Variants in SPATC1L observed in about 807,000 individuals in gnomAD.
SPATC1L encodes the protein spermatogenesis and centriole associated 1 like.
SPATC1L carries 20 observed loss-of-function variants against 21.2 expected under a neutral mutation model. That is an observed-to-expected ratio of 0.94 (90% CI 0.66 to 1.37). The LOEUF is 1.37. SPATC1L is among the 40% of genes most tolerant of loss of function. The probability of loss-of-function intolerance (pLI) is 0.00; values close to 1 mark genes in which losing one functional copy is unlikely to be tolerated. For missense variants in SPATC1L, 499 were observed against 478.7 expected, an observed-to-expected ratio of 1.04 and a Z score of -0.40; for synonymous variants, 290 against 234.5, an observed-to-expected ratio of 1.24 and a Z score of -2.16.
chr21:46,166,632 T>C (rs1028213509), intron 3 of SPATC1L, among the ~76,000 whole-genome samples: 13 of 152,148 alleles, frequency 8.5e-5, no homozygotes, highest in African/African-American at 3.1e-4. Context: ...GTAGCAGCCA[T>C]AGTTATATCA....
At chr21:46,177,723 T>C (rs565521741) in intron 2 of SPATC1L, among the ~76,000 whole-genome samples, 2 of 152,220 alleles carry the variant, frequency 1.3e-5, no homozygotes, top group South Asian at 4.1e-4. Context: ...AAAACAGAAA[T>C]ACCATTCAAC....
chr21:46,168,683 G>C, intron 2 of SPATC1L, 25 bp from the exon 3 acceptor site: 1 of 1,341,220 alleles, frequency 7.5e-7, no homozygotes, highest in Non-Finnish European at 9.7e-7. Flanking sequence ...AAAGGGATGA[G>C]AAATCAGGCT....
At position 46,161,272 on chromosome 21, in the gene SPATC1L, GC is replaced by G. The variant is rs895291899; in HGVS notation, c.*106del. 5.3e-6 allele frequency: 6 copies of G among 1,124,620 alleles called. No homozygotes were observed. Among genetic ancestry groups the G allele is most frequent in the Non-Finnish European group, 7.2e-6 (6 of 837,372 alleles). 69.7% of individuals were successfully genotyped at this position (1,124,620 alleles called of 1,614,324 possible). On this transcript the variant is annotated 3_prime_UTR_variant, in exon 5 of 5. Coordinates refer to ENST00000291672, the MANE Select transcript of SPATC1L (RefSeq NM_001142854.2). ...AGCGGGGCCTTCTCTGGCCTCGCGC[GC>G]GGGGGACGCGGCCCTTTCCCCTCCG...
chr21:46,170,065 G>A (rs79261541), intron 2 of SPATC1L, among the ~76,000 whole-genome samples: 12 of 92,178 alleles, frequency 1.3e-4, no homozygotes, highest in Admixed American at 5.1e-4. Flanking sequence ...TGCTCTGTGA[G>A]CATCCTCTGT....
chr21:46,162,154 T>G, intron 3 of SPATC1L, 87 bp from the exon 4 acceptor site: 12 of 1,363,972 alleles, frequency 8.8e-6, no homozygotes, highest in Non-Finnish European at 1.2e-5. Flanking sequence ...GGGGGGCGGC[T>G]CCTCCACCCC....
Position 46,182,709 on chromosome 21 carries a change from G to T in SPATC1L, c.108C>A (p.Ser36Arg). 2 of 1,545,788 alleles carry T rather than the reference G, an allele frequency of 1.3e-6. No individual in the cohort carries two copies. Among genetic ancestry groups the T allele is most frequent in the Non-Finnish European group, 1.7e-6 (2 of 1,146,616 alleles). Residue 36 changes from serine to arginine, a missense_variant, in exon 2 of 5, where the codon AGC becomes AGA. By Grantham distance (110) the Ser-to-Arg change is moderately radical. Transcript: ENST00000291672. ...GGCCGCCGCCCTCCTGGCAGCTCTG[G>T]CTGAGCAGCCGCCGCAGCATCTGAT... ...KENQMLRRLL[S>R]QSCQEGGGHD...
chr21:46,161,168 G>C lies in SPATC1L; in HGVS notation c.*211C>G. On this transcript the variant is annotated 3_prime_UTR_variant, in exon 5 of 5. Transcript: ENST00000291672. ...AGAGGTAAAGGCAGACATGCAAACG[G>C]ATGATTTTAATGAGGGGTGAGAAGC... is the stretch of plus-strand genomic sequence containing the variant. 2.4e-6 allele frequency: 1 copy of C among 424,270 alleles called. No individual in the cohort carries two copies. The highest frequency in any genetic ancestry group is 7.7e-5 in the South Asian group (1 of 12,968). The allele number at this position is 424,270 out of a possible 1,614,324, so 26.3% of individuals were successfully genotyped here. A position where few individuals can be genotyped will look rare whatever the true frequency, so the allele number is the denominator to read the frequency against.
intron 2 of SPATC1L, among the ~76,000 whole-genome samples, chr21:46,172,789 G>A (rs949901087): frequency 6.6e-6 from 1 of 152,224 alleles, no homozygotes; most frequent in Non-Finnish European, 1.5e-5. Context: ...CAGAGGGAAG[G>A]TGCTGAGGGC....
intron 2 of SPATC1L, among the ~76,000 whole-genome samples, chr21:46,175,469 G>A (rs1315292986): frequency 2.0e-5 from 3 of 151,852 alleles, no homozygotes; most frequent in Non-Finnish European, 4.4e-5. Context: ...TCAGAAATAA[G>A]GGATATATTA....
At chr21:46,167,481 C>T (rs185413298) in intron 3 of SPATC1L, among the ~76,000 whole-genome samples, 1 of 152,170 alleles carries the variant, frequency 6.6e-6, no homozygotes, top group East Asian at 1.9e-4. Context: ...AACAATACAA[C>T]AGATCAATGT....
At chr21:46,181,112 C>T (rs1301005215) in intron 2 of SPATC1L, among the ~76,000 whole-genome samples, 1 of 152,236 alleles carries the variant, frequency 6.6e-6, no homozygotes, top group Non-Finnish European at 1.5e-5. Context: ...AGCAACGCAG[C>T]CCGGGGCACG....
At chr21:46,170,401 C>G in intron 2 of SPATC1L, among the ~76,000 whole-genome samples, 1 of 132,026 alleles carries the variant, frequency 7.6e-6, no homozygotes, top group African/African-American at 3.2e-5. Context: ...CCAGGAGGAG[C>G]CTCCTGCTCT....
At chr21:46,170,255 G>A (rs2079575851) in intron 2 of SPATC1L, among the ~76,000 whole-genome samples, 3 of 141,482 alleles carry the variant, frequency 2.1e-5, no homozygotes, top group African/African-American at 5.6e-5. Flanking sequence ...CCCCTGCTCT[G>A]TGAGCATCCT....
intron 2 of SPATC1L, among the ~76,000 whole-genome samples, chr21:46,176,037 G>A (rs7279731): frequency 1 from 152,340 of 152,340 alleles, 76,170 homozygotes; most frequent in Non-Finnish European, 1. Context: ...ACATAAACAG[G>A]ACTAAAGCAA....
chr21:46,181,647 C>T (rs951639913), intron 2 of SPATC1L, among the ~76,000 whole-genome samples: 13 of 152,182 alleles, frequency 8.5e-5, no homozygotes, highest in Non-Finnish European at 1.8e-4. Context: ...GCTGGAGCGG[C>T]CCCTTGGTGA....
At chr21:46,162,609 C>T (rs1188349403) in intron 3 of SPATC1L, among the ~76,000 whole-genome samples, 3 of 34,468 alleles carry the variant, frequency 8.7e-5, no homozygotes, top group African/African-American at 6.2e-4. Context: ...TTTTCTTAGA[C>T]AGAGTCTCAC....
chr21:46,161,568 G>A lies in SPATC1L; in HGVS notation c.834C>T (p.Leu278=). The A allele has an allele frequency of 1.9e-6, 3 of 1,610,690 alleles. No individual in the cohort carries two copies. The highest frequency in any genetic ancestry group is 1.7e-6 in the Non-Finnish European group (2 of 1,179,072). Residue 278 remains leucine, a synonymous_variant, in exon 5 of 5, where the codon CTC becomes CTT. Transcript: ENST00000291672. ...RDVHPAFSEF[L]INTYGILKQR... is the part of the protein sequence containing the mutation. ...GCTTCAGGATTCCGTAGGTGTTGAT[G>A]AGGAACTCGCTGAACGCCGGGTGCA...
At chr21:46,178,062 A>G (rs1481263676) in intron 2 of SPATC1L, among the ~76,000 whole-genome samples, 5 of 152,004 alleles carry the variant, frequency 3.3e-5, no homozygotes, top group Non-Finnish European at 7.4e-5. Flanking sequence ...GGTGAAAACC[A>G]TCTCTACTAA....
chr21:46,175,742 G>A (rs2079627922), intron 2 of SPATC1L, among the ~76,000 whole-genome samples: 2 of 152,146 alleles, frequency 1.3e-5, no homozygotes, highest in Non-Finnish European at 2.9e-5. Context: ...AGAAGAGCTG[G>A]TACCATTCCT....
Sources: gnomAD v4.1 joint callset for allele counts (sites outside exome capture counted in the v4.1 genomes callset) on GRCh38, gnomAD v4.1.1 for gene constraint, MANE v1.5 for transcripts, NCBI Gene and HGNC (gene_info 2026-07-23, HGNC 2026-07-21) for gene names.